The following DPYSL5 variants were observed in gnomAD, a reference collection of about 807,000 sequenced individuals.
DPYSL5 encodes the protein dihydropyrimidinase like 5, also known as dihydropyrimidinase-related protein 5.
Under a neutral mutation model 58.4 loss-of-function variants are expected in DPYSL5, and 9 were observed. The ratio of observed to expected loss-of-function variants is 0.15; its 90% CI spans 0.09 to 0.27. The LOEUF is 0.27. DPYSL5 is among the 10% of genes least tolerant of loss of function. The pLI is 1.00. For missense variants in DPYSL5, 499 were observed against 770.6 expected (o/e 0.65, Z 4.17); for synonymous variants, 293 against 301.9 (o/e 0.97, Z 0.31).
intron 2 of DPYSL5, among the ~76,000 whole-genome samples, chr2:26,911,510 T>C (rs1664441494): frequency 6.6e-6 from 1 of 152,246 alleles, no homozygotes. Context: ...GAAAAATCTA[T>C]GACATGATTA....
chr2:26,910,333 AT>A (rs1045517433), intron 2 of DPYSL5, among the ~76,000 whole-genome samples: 8 of 151,374 alleles, frequency 5.3e-5, no homozygotes, highest in Non-Finnish European at 1.0e-4. Context: ...GGTTGTAACA[AT>A]TTTTTTTTCC....
intron 5 of DPYSL5, among the ~76,000 whole-genome samples, 184 bp downstream of exon 5, chr2:26,928,507 C>T (rs1474017667): frequency 8.0e-5 from 12 of 150,914 alleles, no homozygotes; most frequent in Admixed American, 6.6e-4. Flanking sequence ...CCAGCCTGGG[C>T]AACATGGTGA....
intron 8 of DPYSL5, chr2:26,938,817 C>CA (rs781765497): frequency 3.3e-5 from 5 of 152,358 alleles, no homozygotes; most frequent in Admixed American, 1.3e-4. Flanking sequence ...AGGGCACCCA[C>CA]AGTGTGGTCC....
Position 26,942,767 on chromosome 2 carries a change from A to C in DPYSL5, c.1440+17A>C, listed in dbSNP as rs1184411594. ...AGAGAGAAGGTGAGGTGGGAGGAGG[A>C]AGATGCAGGGGTGTTGGCGCCCCCT... On this transcript the variant is annotated intron_variant, in intron 11 of 12. Coordinates refer to ENST00000288699, the MANE Select transcript of DPYSL5 (RefSeq NM_020134.4). This position sits in a 1 kb window ranked among gnomAD's most constrained non-coding sequence, Gnocchi z 5.9. 1.2e-6 allele frequency: 2 copies of C among 1,611,632 alleles called. No individual in the cohort carries two copies. The highest frequency in any genetic ancestry group is 2.2e-5 in the South Asian group (2 of 91,000).
At chr2:26,888,065 C>T (rs1558332405) in intron 1 of DPYSL5, among the ~76,000 whole-genome samples, 1 of 152,132 alleles carries the variant, frequency 6.6e-6, no homozygotes, top group Non-Finnish European at 1.5e-5. Flanking sequence ...GGGCTGGTTC[C>T]CTTCAGTTCA....
intron 12 of DPYSL5, among the ~76,000 whole-genome samples, chr2:26,946,638 G>C (rs1042168041): frequency 6.6e-6 from 1 of 152,200 alleles, no homozygotes; most frequent in Non-Finnish European, 1.5e-5. Context: ...CCTAGGCATG[G>C]GGCAGTGAAG....
chr2:26,911,824 C>T (rs1453147557), intron 2 of DPYSL5, among the ~76,000 whole-genome samples: 1 of 152,184 alleles, frequency 6.6e-6, no homozygotes, highest in African/African-American at 2.4e-5. Context: ...TGCCTTGATT[C>T]TCACACTGCC....
intron 1 of DPYSL5, among the ~76,000 whole-genome samples, chr2:26,883,922 C>T (rs1314157650): frequency 2.6e-5 from 4 of 152,124 alleles, no homozygotes; most frequent in Non-Finnish European, 4.4e-5. Flanking sequence ...TTCCCCAGCC[C>T]ACACCTGAGG....
intron 1 of DPYSL5, among the ~76,000 whole-genome samples, chr2:26,871,379 G>A (rs551282627): frequency 6.6e-6 from 1 of 151,948 alleles, no homozygotes; most frequent in East Asian, 1.9e-4. Flanking sequence ...CATTATATCA[G>A]CATCATAAAT....
In DPYSL5 at chr2:26,933,414, C is replaced by G. The variant is rs560100150; in HGVS notation, c.790+81C>G. 7.4e-7 allele frequency: 1 copy of G among 1,359,854 alleles called. No individual in the cohort carries two copies. Among genetic ancestry groups the G allele is most frequent in the Non-Finnish European group, 1.0e-6 (1 of 960,586 alleles). The allele number at this position is 1,359,854 out of a possible 1,614,324, so 84.2% of individuals were successfully genotyped here. Reference sequence around the variant, plus strand: ...ATGGGGCCCATTAGCCGTGCTCACTCCTGGCCCCGGCTCCTGAAACCAGGA... The same window carrying G: ...ATGGGGCCCATTAGCCGTGCTCACTGCTGGCCCCGGCTCCTGAAACCAGGA... On this transcript the variant is annotated intron_variant, in intron 7 of 12. Transcript: ENST00000288699. This position sits in a 1 kb window ranked among gnomAD's most constrained non-coding sequence, Gnocchi z 4.2.
At chr2:26,888,863 A>C (rs186268073) in intron 1 of DPYSL5, among the ~76,000 whole-genome samples, 1 of 152,286 alleles carries the variant, frequency 6.6e-6, no homozygotes, top group East Asian at 1.9e-4. Flanking sequence ...TTTAAACAAC[A>C]GAAATTTATT....
At chr2:26,865,103 A>G (rs1666108400) in intron 1 of DPYSL5, among the ~76,000 whole-genome samples, 1 of 152,224 alleles carries the variant, frequency 6.6e-6, no homozygotes, top group African/African-American at 2.4e-5. Context: ...TATTTAAATA[A>G]GAAAACTGTG....
At chr2:26,894,602 G>A (rs573559715) in intron 1 of DPYSL5, among the ~76,000 whole-genome samples, 37 of 152,240 alleles carry the variant, frequency 2.4e-4, no homozygotes, top group African/African-American at 8.9e-4. Context: ...CCTCCTTCGG[G>A]AGCTCACATC....
At chr2:26,906,399 G>A (rs998420793) in intron 2 of DPYSL5, among the ~76,000 whole-genome samples, 4 of 152,018 alleles carry the variant, frequency 2.6e-5, no homozygotes, top group African/African-American at 7.3e-5. Context: ...GGCCAGGATG[G>A]TCTCTATCTC....
At chr2:26,855,717 C>T (rs751065406) in intron 1 of DPYSL5, among the ~76,000 whole-genome samples, 1 of 152,158 alleles carries the variant, frequency 6.6e-6, no homozygotes, top group Non-Finnish European at 1.5e-5. Context: ...TCAAATCCGC[C>T]ATGGGCTGAC....
chr2:26,853,165 T>C (rs1324762468), intron 1 of DPYSL5, among the ~76,000 whole-genome samples: 3 of 152,188 alleles, frequency 2.0e-5, no homozygotes, highest in Non-Finnish European at 1.5e-5. Context: ...ATTAAGAGTG[T>C]TCCAGAAGTG....
Position 26,942,217 on chromosome 2 carries a change from C to T in DPYSL5, c.1232+125C>T, listed in dbSNP as rs1238716349. ...AGCACAAAATATGGCCCTGGCCTAC[C>T]GTTGGCCATCTTCTCCCTCCATCTT... On this transcript the variant is annotated intron_variant, in intron 10 of 12. Transcript: ENST00000288699. This position sits in a 1 kb window ranked among gnomAD's most constrained non-coding sequence, Gnocchi z 5.9. The T allele has an allele frequency of 5.0e-6, 7 of 1,386,178 alleles. No homozygotes were observed. The highest frequency in any genetic ancestry group is 2.4e-5 in the Admixed American group (1 of 42,520). 85.9% of individuals were successfully genotyped at this position (1,386,178 alleles called of 1,614,324 possible). A position where few individuals can be genotyped will look rare whatever the true frequency, so the allele number is the denominator to read the frequency against.
chr2:26,931,175 G>A (rs1467245006), intron 5 of DPYSL5, among the ~76,000 whole-genome samples: 9 of 65,388 alleles, frequency 1.4e-4, no homozygotes, highest in African/African-American at 4.7e-4. Context: ...ATATATGTGT[G>A]TGTGTGTGTG....
chr2:26,925,310 A>C lies in DPYSL5; in HGVS notation c.420+265A>C, dbSNP rs1664802021. ...TTGGGGATGCAGTTTCATTGCTCTG[A>C]CCATGAGGCTCTTACCGTCTCGTGT... is the stretch of plus-strand genomic sequence containing the variant. On this transcript the variant is annotated intron_variant, in intron 3 of 12. Transcript: ENST00000288699. This position sits in a 1 kb window ranked among gnomAD's most constrained non-coding sequence, Gnocchi z 4.5. 6.6e-6 allele frequency among the ~76,000 whole-genome samples: 1 copy of C among 152,100 alleles called. No individual in the cohort carries two copies. Among genetic ancestry groups the C allele is most frequent in the South Asian group, 2.1e-4 (1 of 4,824 alleles).
Sources: gnomAD v4.1 joint callset for allele counts (sites outside exome capture counted in the v4.1 genomes callset) on GRCh38, gnomAD v4.1.1 for gene constraint, Gnocchi (gnomAD v3.1) non-coding constraint, MANE v1.5 for transcripts, NCBI Gene and HGNC (gene_info 2026-07-23, HGNC 2026-07-21) for gene names.